The following HPS5 variants were observed in gnomAD, a reference collection of about 807,000 sequenced individuals.
HPS5 encodes the protein HPS5 biogenesis of lysosomal organelles complex 2 subunit 2, also known as BLOC-2 complex member HPS5.
Under a neutral mutation model 128.0 loss-of-function variants are expected in HPS5, and 83 were observed. The ratio of observed to expected loss-of-function variants is 0.65; its 90% CI spans 0.54 to 0.78. The LOEUF (loss-of-function observed/expected upper bound fraction) is 0.78, where lower values mean the gene tolerates loss of function less well. HPS5 is among the 30% of genes least tolerant of loss of function. The pLI is 0.00. For synonymous variants in HPS5, 475 were observed against 470.2 expected, an observed-to-expected ratio of 1.01 and a Z score of -0.13; for missense variants, 1,281 against 1,326.2, an observed-to-expected ratio of 0.97 and a Z score of 0.53.
At chr11:18,303,082 G>C (rs1181964870) in intron 8 of HPS5, among the ~76,000 whole-genome samples, 1 of 145,922 alleles carries the variant, frequency 6.9e-6, no homozygotes, top group African/African-American at 2.6e-5. Context: ...GTGCCTGAAA[G>C]GAAACAAAGT....
intron 22 of HPS5, among the ~76,000 whole-genome samples, chr11:18,281,609 GT>G (rs1858977711): frequency 6.6e-6 from 1 of 151,544 alleles, no homozygotes; most frequent in Non-Finnish European, 1.5e-5. Flanking sequence ...GTTTCACCAT[GT>G]TGCCAGGATG....
intron 12 of HPS5, 135 bp downstream of exon 12, chr11:18,296,663 G>A (rs1262710234): frequency 8.1e-6 from 7 of 858,974 alleles, no homozygotes; most frequent in Non-Finnish European, 1.4e-5. Flanking sequence ...TGTAGATCTG[G>A]ATGGAAAGTT....
chr11:18,303,968 G>GA (rs146199825), intron 8 of HPS5, among the ~76,000 whole-genome samples: 3,386 of 151,936 alleles, frequency 0.022, 133 homozygotes, highest in African/African-American at 0.078. Flanking sequence ...GCCAAGCATT[G>GA]AAAAAATAAT....
chr11:18,306,093 G>C, intron 7 of HPS5, 42 bp downstream of exon 7: 1 of 1,316,118 alleles, frequency 7.6e-7, no homozygotes, highest in Non-Finnish European at 1.1e-6. Flanking sequence ...CCTCTATATA[G>C]AAGCTCTTCA....
At chr11:18,295,289 G>T in intron 13 of HPS5, 120 bp from the exon 14 acceptor site, 1 of 829,242 alleles carries the variant, frequency 1.2e-6, no homozygotes, top group Non-Finnish European at 2.0e-6. Context: ...ACTTAGTAAA[G>T]ACTGTTTATA....
Position 18,285,396 on chromosome 11 carries a change from A to T in HPS5, c.2901T>A (p.Pro967=). 6.2e-7 allele frequency: 1 copy of T among 1,613,710 alleles called. No homozygotes were observed. Among genetic ancestry groups the T allele is most frequent in the Non-Finnish European group, 8.5e-7 (1 of 1,179,718 alleles). ...SQLILHLIKL[P]ADFITKEKMT... ...TTTTCTCTTTGGTTATAAAATCTGCAGGAAGTTTAATTAGATGAAGGATCA... is the reference window on the plus strand; with the variant it reads ...TTTTCTCTTTGGTTATAAAATCTGCTGGAAGTTTAATTAGATGAAGGATCA... Residue 967 remains proline, a synonymous_variant, in exon 20 of 23, where the codon CCT becomes CCA. Transcript: ENST00000349215.
At position 18,319,223 on chromosome 11, in the gene HPS5, G is replaced by C. The variant is rs540718406; in HGVS notation, c.-49-1316C>G. Among the ~76,000 whole-genome samples, 39 of 149,990 alleles carry C rather than the reference G, an allele frequency of 2.6e-4. No individual in the cohort carries two copies. The South Asian group carries it at 7.5e-3, about 29-fold the overall frequency. ...ACAAGTAAAATAATTCCAGAAGTCAGTCAGTTTATAATACGGAGGAAAAGA... is the reference window on the plus strand; with the variant it reads ...ACAAGTAAAATAATTCCAGAAGTCACTCAGTTTATAATACGGAGGAAAAGA... On this transcript the variant is annotated intron_variant, in intron 1 of 22. Coordinates refer to ENST00000349215, the MANE Select transcript of HPS5 (RefSeq NM_181507.2).
chr11:18,306,029 G>A, intron 7 of HPS5, 106 bp downstream of exon 7: 2 of 900,400 alleles, frequency 2.2e-6, no homozygotes, highest in South Asian at 2.7e-5. Flanking sequence ...AACACGCCCA[G>A]CCAGGTATAA....
intron 10 of HPS5, among the ~76,000 whole-genome samples, chr11:18,298,024 G>A (rs1021813470): frequency 6.6e-5 from 10 of 150,650 alleles, no homozygotes; most frequent in Non-Finnish European, 1.0e-4. Flanking sequence ...AGGTTGCAGT[G>A]AGCTGAGATC....
At chr11:18,313,641 C>A (rs1179894625) in intron 2 of HPS5, among the ~76,000 whole-genome samples, 1 of 152,180 alleles carries the variant, frequency 6.6e-6, no homozygotes, top group Non-Finnish European at 1.5e-5. Context: ...CCAGGCCAGG[C>A]GCAGTGGCTC....
intron 11 of HPS5, among the ~76,000 whole-genome samples, 187 bp downstream of exon 11, chr11:18,297,371 TG>T (rs1306720725): frequency 6.6e-6 from 1 of 152,176 alleles, no homozygotes; most frequent in African/African-American, 2.4e-5. Context: ...AAACAAAATG[TG>T]GCTCCAAGAC....
chr11:18,285,430 T>C lies in HPS5; in HGVS notation c.2867A>G (p.Tyr956Cys). Residue 956 changes from tyrosine (Y) to cysteine (C), a missense_variant, in exon 20 of 23, where the codon TAC becomes TGC. Coordinates refer to ENST00000349215, the MANE Select transcript of HPS5 (RefSeq NM_181507.2). Reference sequence around the variant, plus strand: ...AATTAGATGAAGGATCAGCTGACTGTAACCCCAGGAAAGCAAGTGTGAATG... The same window carrying C: ...AATTAGATGAAGGATCAGCTGACTGCAACCCCAGGAAAGCAAGTGTGAATG... ...RPHSHLLSWG[Y>C]SQLILHLIKL... 6.2e-7 allele frequency: 1 copy of C among 1,613,104 alleles called. No individual in the cohort carries two copies. The highest frequency in any genetic ancestry group is 8.5e-7 in the Non-Finnish European group (1 of 1,179,204).
intron 8 of HPS5, among the ~76,000 whole-genome samples, chr11:18,301,372 C>T (rs1861676580): frequency 6.7e-6 from 1 of 148,760 alleles, no homozygotes; most frequent in Non-Finnish European, 1.5e-5. Flanking sequence ...AGGAGAATCA[C>T]TTACAGGGAG....
intron 1 of HPS5, among the ~76,000 whole-genome samples, chr11:18,321,055 G>C (rs1268128849): frequency 1.3e-5 from 2 of 152,250 alleles, no homozygotes. Context: ...AGGAACAGCA[G>C]AATGCTGATA....
Position 18,296,942 on chromosome 11 carries a change from T to C in HPS5, c.1366A>G (p.Ser456Gly). ...TCTGACTGACTGCCTCTTCTACTAC[T>C]AATGATACGATAAATACCAGAGTCC... is the stretch of plus-strand genomic sequence containing the variant. The part of the protein sequence containing the change: ...ILDSGIYRII[S>G]SRRGSQSDED... The change falls in exon 12 of 23, where the codon AGT becomes GGT. Residue 456 changes from serine to glycine, a missense_variant. Physicochemically the swap from Ser to Gly is moderately conservative, Grantham distance 56. Transcript: ENST00000349215. The C allele has an allele frequency of 6.2e-7, 1 of 1,608,560 alleles. No individual in the cohort carries two copies. Among genetic ancestry groups the C allele is most frequent in the Non-Finnish European group, 8.5e-7 (1 of 1,175,772 alleles).
At chr11:18,317,097 G>C (rs1434948401) in intron 2 of HPS5, among the ~76,000 whole-genome samples, 1 of 151,840 alleles carries the variant, frequency 6.6e-6, no homozygotes, top group Non-Finnish European at 1.5e-5. Flanking sequence ...GGGAGGCTGA[G>C]GCAGGAAAAC....
intron 13 of HPS5, 54 bp from the exon 14 acceptor site, chr11:18,295,223 A>G: frequency 1.3e-6 from 2 of 1,558,714 alleles, no homozygotes; most frequent in Non-Finnish European, 1.7e-6. Context: ...TACTGAGAAA[A>G]CTCAGGTTTT....
chr11:18,294,588 A>G (rs1222977117), intron 14 of HPS5, among the ~76,000 whole-genome samples: 2 of 152,164 alleles, frequency 1.3e-5, no homozygotes, highest in Admixed American at 6.5e-5. Context: ...GAAGTACTAA[A>G]TTAAAACTCT....
rs1312449919 is a variant in HPS5 at position 18,279,710 on chromosome 11, A to C, written c.*172T>G. 1.5e-6 allele frequency: 1 copy of C among 662,912 alleles called. No homozygotes were observed. The highest frequency in any genetic ancestry group is 1.8e-5 in the African/African-American group (1 of 55,092). The allele number at this position is 662,912 out of a possible 1,614,324, so 41.1% of individuals were successfully genotyped here. A position where few individuals can be genotyped will look rare whatever the true frequency, so the allele number is the denominator to read the frequency against. ...TTAAGAAACACTGAGGTCATGGATA[A>C]AGAGTCACAGATGCCGATGCCAAGG... On this transcript the variant is annotated 3_prime_UTR_variant, in exon 23 of 23. Transcript: ENST00000349215.
Sources: gnomAD v4.1 joint callset for allele counts (sites outside exome capture counted in the v4.1 genomes callset) on GRCh38, gnomAD v4.1.1 for gene constraint, MANE v1.5 for transcripts, NCBI Gene and HGNC (gene_info 2026-07-23, HGNC 2026-07-21) for gene names.